NOTCH1: variants seen among roughly 807,000 people sequenced by gnomAD.
NOTCH1 encodes the protein notch receptor 1, also known as neurogenic locus notch homolog protein 1.
Under a neutral mutation model 254.8 loss-of-function variants are expected in NOTCH1, and 37 were observed. That is an observed-to-expected ratio of 0.15 (90% CI 0.11 to 0.19). The LOEUF (loss-of-function observed/expected upper bound fraction) is 0.19, where lower values mean the gene tolerates loss of function less well. Ranked by LOEUF, NOTCH1 falls within the 10% of genes least tolerant of loss-of-function variation. The pLI is 1.00. For missense variants in NOTCH1, 2,972 were observed against 3,708.6 expected (o/e 0.80, Z 5.16); for synonymous variants, 1,731 against 1,618.1 (o/e 1.07, Z -1.68).
In NOTCH1 at chr9:136,517,248, G is replaced by A. The variant is rs769642073; in HGVS notation, c.1555+24C>T. 8 of 1,486,980 alleles carry A rather than the reference G, an allele frequency of 5.4e-6. No individual in the cohort carries two copies. The Middle Eastern group carries it at 5.3e-4, about 99-fold the overall frequency. The allele number at this position is 1,486,980 out of a possible 1,614,324, so 92.1% of individuals were successfully genotyped here. ...AGGCCAGGGTGCAGACGACCCGGGGGCAGGGGGCGGGGGTGGCCCTCACCC... is the reference window on the plus strand; with the variant it reads ...AGGCCAGGGTGCAGACGACCCGGGGACAGGGGGCGGGGGTGGCCCTCACCC... On this transcript the variant is annotated intron_variant, in intron 9 of 33. Transcript: ENST00000651671.
At chr9:136,515,435 C>G (rs1461378217) in intron 11 of NOTCH1, 35 bp from the exon 12 acceptor site, 1 of 1,612,026 alleles carries the variant, frequency 6.2e-7, no homozygotes, top group Non-Finnish European at 8.5e-7. Context: ...AGTCCTCAGG[C>G]CCGCCCTGCC....
intron 31 of NOTCH1, among the ~76,000 whole-genome samples, chr9:136,499,842 C>T (rs940358527): frequency 4.6e-5 from 7 of 152,246 alleles, no homozygotes; most frequent in African/African-American, 7.2e-5. Flanking sequence ...ACACCAAACC[C>T]GCACGGGGCT....
At chr9:136,503,085 T>C in intron 27 of NOTCH1, 97 bp downstream of exon 27, 3 of 1,551,220 alleles carry the variant, frequency 1.9e-6, no homozygotes, top group Non-Finnish European at 2.7e-6. Context: ...CTCACACCCG[T>C]GGGTAGCAAC....
intron 2 of NOTCH1, among the ~76,000 whole-genome samples, chr9:136,530,921 G>A (rs1329762954): frequency 2.0e-5 from 3 of 152,204 alleles, no homozygotes; most frequent in East Asian, 3.9e-4. Context: ...CACAGGCTGC[G>A]CTCCGGGCCA....
intron 2 of NOTCH1, among the ~76,000 whole-genome samples, chr9:136,526,020 G>A (rs186404103): frequency 1.1e-4 from 17 of 152,364 alleles, no homozygotes; most frequent in South Asian, 2.1e-4. Flanking sequence ...GCCTTGCTAC[G>A]GCTCCTGCCA....
chr9:136,512,317 G>A (rs1380568999), intron 15 of NOTCH1, among the ~76,000 whole-genome samples: 1 of 152,166 alleles, frequency 6.6e-6, no homozygotes, highest in Non-Finnish European at 1.5e-5. Flanking sequence ...CTCCAGCCCG[G>A]CTGCCTGGCC....
chr9:136,507,456 G>C lies in NOTCH1; in HGVS notation c.3511-19C>G, dbSNP rs745469129. On this transcript the variant is annotated intron_variant, in intron 21 of 33. Transcript: ENST00000651671. ...CCACGCACTGTGCAGGCGACAGAAC[G>C]AGGGGCCCTTCGGCTCAGCCGGCGC... 6.3e-7 allele frequency: 1 copy of C among 1,592,564 alleles called. No homozygotes were observed. The highest frequency in any genetic ancestry group is 1.1e-5 in the South Asian group (1 of 88,314).
chr9:136,524,361 G>A (rs1178405065), intron 2 of NOTCH1, among the ~76,000 whole-genome samples: 2 of 152,190 alleles, frequency 1.3e-5, no homozygotes, highest in Admixed American at 1.3e-4. Flanking sequence ...TAGAGACTAG[G>A]ATGTTCCAGC....
intron 30 of NOTCH1, 119 bp downstream of exon 30, chr9:136,501,629 A>G: frequency 7.9e-7 from 1 of 1,259,474 alleles, no homozygotes. Context: ...CCAAGGATGA[A>G]AGCTCTCACC....
rs1843792531 is a variant in NOTCH1 at position 136,545,021 on chromosome 9, CTGTGCGGCGGGG to C, written c.61+693_61+704del. 6.6e-6 allele frequency among the ~76,000 whole-genome samples: 1 copy of C among 152,312 alleles called. No individual in the cohort carries two copies. Among genetic ancestry groups the C allele is most frequent in the Non-Finnish European group, 1.5e-5 (1 of 68,000 alleles). Reference sequence around the variant, plus strand: ...CTCGATTCCCCAGAGACCCCGCTCGCTGTGCGGCGGGGAGAAATGTAAGAGCCCCCCACCCGC... The same window carrying C: ...CTCGATTCCCCAGAGACCCCGCTCGCAGAAATGTAAGAGCCCCCCACCCGC... On this transcript the variant is annotated intron_variant, in intron 1 of 33. Transcript: ENST00000651671. The surrounding 1 kb of genome is among the most constrained non-coding windows in gnomAD (Gnocchi z 6.8).
intron 15 of NOTCH1, among the ~76,000 whole-genome samples, chr9:136,512,119 G>A (rs1011026480): frequency 1.3e-5 from 2 of 152,216 alleles, no homozygotes; most frequent in Non-Finnish European, 2.9e-5. Context: ...GATAGGAAGC[G>A]GGTCAGCACC....
Position 136,523,587 on chromosome 9 carries a change from G to A in NOTCH1, c.403+130C>T, listed in dbSNP as rs1843410739. 3.3e-6 allele frequency: 4 copies of A among 1,228,458 alleles called. No individual in the cohort carries two copies. The Admixed American group carries it at 6.5e-5, about 20-fold the overall frequency. 76.1% of individuals were successfully genotyped at this position (1,228,458 alleles called of 1,614,324 possible). A position where few individuals can be genotyped will look rare whatever the true frequency, so the allele number is the denominator to read the frequency against. ...GGTCTGGGAGGGGGGCAGGGACCCT[G>A]GGGCAGGGGCTCCCAATTACTTCCG... On this transcript the variant is annotated intron_variant, in intron 3 of 33. Coordinates refer to ENST00000651671, the MANE Select transcript of NOTCH1 (RefSeq NM_017617.5).
intron 5 of NOTCH1, 39 bp downstream of exon 5, chr9:136,519,404 G>A (rs758825956): frequency 1.3e-5 from 21 of 1,610,712 alleles, no homozygotes; most frequent in Admixed American, 3.3e-5. Flanking sequence ...TAGCAGCCCC[G>A]CCCCGGCTAC....
chr9:136,496,334 G>A lies in NOTCH1; in HGVS notation c.7405C>T (p.Pro2469Ser), dbSNP rs1480618339. The A allele has an allele frequency of 3.1e-6, 5 of 1,593,400 alleles. No individual in the cohort carries two copies. The highest frequency in any genetic ancestry group is 4.3e-6 in the Non-Finnish European group (5 of 1,171,012). Residue 2469 changes from proline (P) to serine (S), a missense_variant, in exon 34 of 34, where the codon CCA (proline) becomes TCA (serine). Pro to Ser is a moderately conservative substitution (Grantham distance 74). This residue lies in a region of NOTCH1 where 85 missense variants were observed against 126.1 expected (regional missense o/e 0.67). Transcript: ENST00000651671. ...GTCACGGGTGGGACCAGCGAGGATG[G>A]CAGCGACGTGGGCAGGGCGGGGCTC... Reference protein sequence around the residue: ...QESPALPTSLPSSLVPPVTAA... With the variant: ...QESPALPTSLSSSLVPPVTAA...
chr9:136,530,293 G>A (rs918071785), intron 2 of NOTCH1, among the ~76,000 whole-genome samples: 7 of 152,244 alleles, frequency 4.6e-5, no homozygotes, highest in African/African-American at 7.2e-5. Flanking sequence ...TAAAATGTGC[G>A]AAGGAGGAAG....
chr9:136,539,706 A>G (rs1203853102), intron 2 of NOTCH1, among the ~76,000 whole-genome samples: 1 of 152,206 alleles, frequency 6.6e-6, no homozygotes, highest in Non-Finnish European at 1.5e-5. Flanking sequence ...GGTTCTGCAT[A>G]AACAGGAGGT....
Position 136,544,199 on chromosome 9 carries a change from G to A in NOTCH1, c.62-97C>T, listed in dbSNP as rs571155454. ...GGGCGGGGACCTGCACCCAGCCAAGGGGCATCGTCCGCCCCCTACCCCGGA... is the reference window on the plus strand; with the variant it reads ...GGGCGGGGACCTGCACCCAGCCAAGAGGCATCGTCCGCCCCCTACCCCGGA... On this transcript the variant is annotated intron_variant, in intron 1 of 33. Coordinates refer to ENST00000651671, the MANE Select transcript of NOTCH1 (RefSeq NM_017617.5). 10 of 1,166,210 alleles carry A rather than the reference G, an allele frequency of 8.6e-6. No homozygotes were observed. The African/African-American group carries it at 1.2e-4, about 14-fold the overall frequency. The allele number at this position is 1,166,210 out of a possible 1,614,324, so 72.2% of individuals were successfully genotyped here. A position where few individuals can be genotyped will look rare whatever the true frequency, so the allele number is the denominator to read the frequency against.
chr9:136,502,971 CT>C, intron 27 of NOTCH1: 1 of 725,946 alleles, frequency 1.4e-6, no homozygotes. Flanking sequence ...CGTGGCTGGA[CT>C]CGTTCCCAGG....
At chr9:136,523,579 G>A in intron 3 of NOTCH1, 138 bp downstream of exon 3, 1 of 1,132,334 alleles carries the variant, frequency 8.8e-7, no homozygotes, top group Non-Finnish European at 1.3e-6. Context: ...GAGGGGGGCA[G>A]GGACCCTGGG....
Sources: allele counts gnomAD v4.1 joint callset (sites outside exome capture counted in the v4.1 genomes callset), GRCh38; gene constraint gnomAD v4.1.1; regional missense constraint gnomAD v4.1.1; non-coding constraint Gnocchi (gnomAD v3.1); transcripts MANE v1.5; gene names NCBI Gene and HGNC (gene_info 2026-07-23, HGNC 2026-07-21).